Variants in AMHR2 observed in about 807,000 individuals in gnomAD.
AMHR2 encodes the protein anti-Mullerian hormone receptor type 2.
AMHR2 carries 36 observed loss-of-function variants against 61.4 expected under a neutral mutation model. The ratio of observed to expected loss-of-function variants is 0.59; its 90% CI spans 0.45 to 0.77. AMHR2 has a LOEUF of 0.77. Ranked by LOEUF, AMHR2 falls within the 30% of genes least tolerant of loss-of-function variation. The pLI is 0.00. For missense variants in AMHR2, 638 were observed against 714.6 expected, an observed-to-expected ratio of 0.89 and a Z score of 1.22; for synonymous variants, 258 against 279.4, an observed-to-expected ratio of 0.92 and a Z score of 0.76.
Position 53,429,814 on chromosome 12 carries a change from C to T in AMHR2, c.1141-17C>T, listed in dbSNP as rs748415300. ...GCCACAGAGATGATTCTTGGCCCTTCGTGCCTTGCTCTCCAGGCTGGCACC... is the reference window on the plus strand; with the variant it reads ...GCCACAGAGATGATTCTTGGCCCTTTGTGCCTTGCTCTCCAGGCTGGCACC... On this transcript the variant is annotated splice_polypyrimidine_tract_variant and intron_variant, in intron 8 of 10. Coordinates refer to ENST00000257863, the MANE Select transcript of AMHR2 (RefSeq NM_020547.3). The T allele has an allele frequency of 1.5e-5, 25 of 1,613,990 alleles. No individual in the cohort carries two copies. In the African/African-American group the frequency reaches 1.9e-4, roughly 12 times the overall value.
At chr12:53,430,521 C>A (rs530428052) in intron 10 of AMHR2, 2 of 609,952 alleles carry the variant, frequency 3.3e-6, no homozygotes, top group Admixed American at 5.4e-5. Context: ...TCCTGCTCAA[C>A]CTTGCCCAGC....
chr12:53,429,791 C>T (rs368784225), intron 8 of AMHR2, 40 bp from the exon 9 acceptor site: 26 of 1,613,782 alleles, frequency 1.6e-5, no homozygotes, highest in Non-Finnish European at 1.9e-5. Context: ...TGAGGATTGC[C>T]ACAGAGATGA....
In AMHR2 at chr12:53,425,559, C is replaced by T; in HGVS notation, c.607C>T (p.Leu203=). 6 of 1,613,948 alleles carry T rather than the reference C, an allele frequency of 3.7e-6. No individual in the cohort carries two copies. In the South Asian group the frequency reaches 6.6e-5, roughly 18 times the overall value. Reference sequence around the variant, plus strand: ...TGTGGAGCTGCAGGAGCTGCCTGAGCTGTGTTTCTCCCAGGTGCCCCAGGG... The same window carrying T: ...TGTGGAGCTGCAGGAGCTGCCTGAGTTGTGTTTCTCCCAGGTGCCCCAGGG... ...WSVELQELPE[L]CFSQVIREGG... is the part of the protein sequence containing the mutation. Residue 203 remains leucine, a synonymous_variant, in exon 5 of 11, where the codon CTG becomes TTG. Transcript: ENST00000257863.
Position 53,425,246 on chromosome 12 carries a change from C to A in AMHR2, c.502+4C>A. 1 of 1,613,416 alleles carries A rather than the reference C, an allele frequency of 6.2e-7. No individual in the cohort carries two copies. The highest frequency in any genetic ancestry group is 1.1e-5 in the South Asian group (1 of 91,080). The stretch of plus-strand genomic sequence containing the variant: ...CTGCTGGGCAGCATCATCTTGGGTA[C>A]TAATCCACCCCATCCCTCCCTTGTG... On this transcript the variant is annotated splice_donor_region_variant and intron_variant, in intron 4 of 10. Transcript: ENST00000257863.
Position 53,423,983 on chromosome 12 carries a change from GGTAA to G in AMHR2, c.49+3_49+6del. ...GGCATTACTTCCCACAGCTGTGGAA[GGTAA>G]GTGTCTACAGGGAGGGGAAGGGTCT... On this transcript the variant is annotated splice_donor_variant and splice_donor_region_variant and intron_variant, in intron 1 of 10. Transcript: ENST00000257863. LOFTEE classifies it high-confidence loss of function. The G allele has an allele frequency of 6.2e-7, 1 of 1,614,102 alleles. No individual in the cohort carries two copies. The highest frequency in any genetic ancestry group is 1.7e-5 in the Admixed American group (1 of 60,020).
chr12:53,424,151 T>C (rs1939313800), intron 1 of AMHR2, 137 bp from the exon 2 acceptor site: 1 of 1,359,206 alleles, frequency 7.4e-7, no homozygotes, highest in Non-Finnish European at 1.0e-6. Flanking sequence ...AGGCCTCTGC[T>C]GACCCTGCTT....
Position 53,425,778 on chromosome 12 carries a change from G to A in AMHR2, c.711G>A (p.Val237=). ...VAIKAFPPRS[V]AQFQAERALY... ...TCAAGGCCTTCCCACCGAGGTCTGTGGCTCAGTTCCAAGCTGAGAGAGCAT... is the reference window on the plus strand; with the variant it reads ...TCAAGGCCTTCCCACCGAGGTCTGTAGCTCAGTTCCAAGCTGAGAGAGCAT... Residue 237 remains valine (V), a synonymous_variant, in exon 6 of 11, where the codon GTG becomes GTA. Coordinates refer to ENST00000257863, the MANE Select transcript of AMHR2 (RefSeq NM_020547.3). The A allele has an allele frequency of 6.2e-7, 1 of 1,614,170 alleles. No individual in the cohort carries two copies. The highest frequency in any genetic ancestry group is 8.5e-7 in the Non-Finnish European group (1 of 1,180,032).
intron 1 of AMHR2, 35 bp from the exon 2 acceptor site, chr12:53,424,253 C>T: frequency 3.1e-6 from 5 of 1,612,030 alleles, no homozygotes; most frequent in Non-Finnish European, 3.4e-6. Flanking sequence ...TCACTCCCAC[C>T]TTGAATCTTT....
intron 10 of AMHR2, chr12:53,430,801 T>C: frequency 5.3e-6 from 2 of 376,360 alleles, no homozygotes; most frequent in Non-Finnish European, 1.0e-5. Flanking sequence ...TTTAACAAAA[T>C]GTCCCTTCTG....
At position 53,429,917 on chromosome 12, in the gene AMHR2, T is replaced by C; in HGVS notation, c.1227T>C (p.Asp409=). Residue 409 remains aspartate (D), a synonymous_variant, in exon 9 of 11, where the codon GAT becomes GAC. Transcript: ENST00000257863. ...GGGGCATGGCCCTCCGACGAGCTGA[T>C]ATTTACTCTTTGGCTCTGCTCCTGT... The part of the protein sequence containing the change: ...QDWGMALRRA[D]IYSLALLLWE... 2 of 1,614,150 alleles carry C rather than the reference T, an allele frequency of 1.2e-6. No homozygotes were observed. Among genetic ancestry groups the C allele is most frequent in the Non-Finnish European group, 1.7e-6 (2 of 1,180,028 alleles).
At chr12:53,430,336 G>A in intron 10 of AMHR2, 54 bp downstream of exon 10, 1 of 1,613,670 alleles carries the variant, frequency 6.2e-7, no homozygotes, top group Non-Finnish European at 8.5e-7. Context: ...GCTGGGCATG[G>A]GCTTCAAGGA....
chr12:53,425,411 C>T, intron 4 of AMHR2, 44 bp from the exon 5 acceptor site: 1 of 1,608,988 alleles, frequency 6.2e-7, no homozygotes, highest in Non-Finnish European at 8.5e-7. Flanking sequence ...TTTTCCTGTC[C>T]CTATGCATTT....
chr12:53,428,979 G>A lies in AMHR2; in HGVS notation c.936G>A (p.Leu312=). The A allele has an allele frequency of 6.4e-7, 1 of 1,551,500 alleles. No homozygotes were observed. Among genetic ancestry groups the A allele is most frequent in the East Asian group, 2.4e-5 (1 of 40,924 alleles). The part of the protein sequence containing the change: ...LRMALSLAQG[L]AFLHEERWQN... Reference sequence around the variant, plus strand: ...TGGCACTGTCCCTGGCCCAGGGCCTGGCATTTCTCCATGAGGAGCGCTGGC... The same window carrying A: ...TGGCACTGTCCCTGGCCCAGGGCCTAGCATTTCTCCATGAGGAGCGCTGGC... The change falls in exon 7 of 11, where the codon CTG becomes CTA. Residue 312 remains leucine, a synonymous_variant. Coordinates refer to ENST00000257863, the MANE Select transcript of AMHR2 (RefSeq NM_020547.3).
Position 53,430,155 on chromosome 12 carries a change from C to T in AMHR2, c.1298C>T (p.Pro433Leu). 1 of 1,614,182 alleles carries T rather than the reference C, an allele frequency of 6.2e-7. No individual in the cohort carries two copies. Among genetic ancestry groups the T allele is most frequent in the Non-Finnish European group, 8.5e-7 (1 of 1,180,036 alleles). Residue 433 changes from proline (P) to leucine (L), a missense_variant, in exon 10 of 11, where the codon CCA becomes CTA. Coordinates refer to ENST00000257863, the MANE Select transcript of AMHR2 (RefSeq NM_020547.3). ...CTCTACCTTCCTCCAGACAGCAGTC[C>T]ACCACCCTTCCAACTGGCCTATGAG... ...RCPDLRPDSS[P>L]PPFQLAYEAE...
At chr12:53,424,128 G>C in intron 1 of AMHR2, 145 bp downstream of exon 1, 1 of 1,308,194 alleles carries the variant, frequency 7.6e-7, no homozygotes, top group South Asian at 1.2e-5. Flanking sequence ...CCCCATGGCA[G>C]GGCTCAGGTT....
In AMHR2 at chr12:53,430,318, G is replaced by T. The variant is rs771547086; in HGVS notation, c.1425+36G>T. The T allele has an allele frequency of 9.3e-6, 15 of 1,614,012 alleles. No individual in the cohort carries two copies. In the Admixed American group the frequency reaches 2.5e-4, roughly 27 times the overall value. On this transcript the variant is annotated intron_variant, in intron 10 of 10. Transcript: ENST00000257863. ...TAGGCTGTTGGTCTGGGAACCTGGA[G>T]AGTGGGGGCTGGGCATGGGCTTCAA...
At chr12:53,425,612 C>G in intron 5 of AMHR2, 39 bp downstream of exon 5, 1 of 1,612,388 alleles carries the variant, frequency 6.2e-7, no homozygotes, top group Non-Finnish European at 8.5e-7. Flanking sequence ...TCTGGGCACT[C>G]CTGGAGGTTG....
In AMHR2 at chr12:53,428,952, G is replaced by T. The variant is rs1939859267; in HGVS notation, c.909G>T (p.Arg303=). ...CCAGTGACTGGGGAAGTTCCCTGCGGATGGCACTGTCCCTGGCCCAGGGCC... is the reference window on the plus strand; with the variant it reads ...CCAGTGACTGGGGAAGTTCCCTGCGTATGGCACTGTCCCTGGCCCAGGGCC... The part of the protein sequence containing the change: ...QYTSDWGSSL[R]MALSLAQGLA... Residue 303 remains arginine, a synonymous_variant, in exon 7 of 11, where the codon CGG becomes CGT. Transcript: ENST00000257863. 2 of 1,551,568 alleles carry T rather than the reference G, an allele frequency of 1.3e-6. No individual in the cohort carries two copies. Among genetic ancestry groups the T allele is most frequent in the Non-Finnish European group, 1.7e-6 (2 of 1,147,062 alleles).
chr12:53,430,091 A>G, intron 9 of AMHR2, 55 bp from the exon 10 acceptor site: 3 of 1,614,044 alleles, frequency 1.9e-6, no homozygotes, highest in Non-Finnish European at 2.5e-6. Flanking sequence ...TGCCCTTTCT[A>G]CATGGTAGGC....
Sources: allele counts gnomAD v4.1 joint callset, GRCh38; gene constraint gnomAD v4.1.1; transcripts MANE v1.5; gene names NCBI Gene and HGNC (gene_info 2026-07-23, HGNC 2026-07-21).